The following NCOA2 variants were observed in gnomAD, a reference collection of about 807,000 sequenced individuals.
NCOA2 encodes nuclear receptor coactivator 2.
In NCOA2, 21 loss-of-function variants were observed where a neutral mutation model predicts 145.1. The ratio of observed to expected loss-of-function variants is 0.14; its 90% confidence interval spans 0.10 to 0.21. NCOA2 has a LOEUF of 0.21. Among genes scored for constraint, NCOA2 ranks in the 10% least tolerant of loss-of-function variants. The probability of loss-of-function intolerance (pLI) is 1.00; values close to 1 mark genes in which losing one functional copy is unlikely to be tolerated. For synonymous variants in NCOA2, 619 were observed against 637.5 expected (o/e 0.97, Z 0.44); for missense variants, 1,472 against 1,837.6 (o/e 0.80, Z 3.64).
At chr8:70,151,463 T>A (rs943833880) in intron 11 of NCOA2, among the ~76,000 whole-genome samples, 1 of 152,126 alleles carries the variant, frequency 6.6e-6, no homozygotes. Context: ...CATTTTCGCA[T>A]TTTTAGTAGA....
At chr8:70,415,987 T>A in the NCOA2 span, among the ~76,000 whole-genome samples, 2 of 152,190 alleles carry the variant, frequency 1.3e-5, no homozygotes, top group African/African-American at 2.4e-5. Context: ...ATTAGAGTTC[T>A]CTAGAGAAAT....
chr8:70,159,054 G>A (rs770151709), intron 10 of NCOA2, among the ~76,000 whole-genome samples: 6 of 151,044 alleles, frequency 4.0e-5, no homozygotes, highest in South Asian at 2.1e-4. Context: ...CTGCCCCCAC[G>A]CTGCAGATAC....
intron 2 of NCOA2, among the ~76,000 whole-genome samples, chr8:70,253,876 A>G (rs1178405539): frequency 3.3e-5 from 5 of 152,214 alleles, no homozygotes; most frequent in Non-Finnish European, 5.9e-5. Flanking sequence ...AGCATGGGCA[A>G]TAAAAGAAAA....
the NCOA2 span, among the ~76,000 whole-genome samples, chr8:70,437,100 C>T: frequency 6.6e-6 from 1 of 152,238 alleles, no homozygotes. Context: ...CACATAGGCC[C>T]ATCTTAGTTC....
At chr8:70,403,262 G>T (rs1387616626) in intron 1 of NCOA2, among the ~76,000 whole-genome samples, 1 of 151,248 alleles carries the variant, frequency 6.6e-6, no homozygotes, top group Admixed American at 6.6e-5. Flanking sequence ...CCCCGCACCG[G>T]GCTGGGCAAT....
chr8:70,346,357 C>T (rs1169627979), intron 1 of NCOA2, among the ~76,000 whole-genome samples: 1 of 152,174 alleles, frequency 6.6e-6, no homozygotes, highest in Non-Finnish European at 1.5e-5. Flanking sequence ...ACATTTATTA[C>T]TTCTCTTTTT....
At chr8:70,420,465 GCTAA>G in the NCOA2 span, among the ~76,000 whole-genome samples, 2 of 152,292 alleles carry the variant, frequency 1.3e-5, no homozygotes, top group East Asian at 3.9e-4. Flanking sequence ...GAACTACTAT[GCTAA>G]CTAAGAGAGA....
At chr8:70,164,259 A>G (rs1037665635) in intron 7 of NCOA2, among the ~76,000 whole-genome samples, 1 of 152,150 alleles carries the variant, frequency 6.6e-6, no homozygotes, top group Admixed American at 6.5e-5. Context: ...CTTATGCGTC[A>G]GGGTTCATTT....
intron 2 of NCOA2, among the ~76,000 whole-genome samples, chr8:70,267,426 GC>G (rs1824704058): frequency 7.3e-6 from 1 of 137,600 alleles, no homozygotes; most frequent in Non-Finnish European, 1.5e-5. Flanking sequence ...TTGAGATAGG[GC>G]CTCGCTCTGT....
chr8:70,359,080 A>G (rs1306948789), intron 1 of NCOA2, among the ~76,000 whole-genome samples: 1 of 152,244 alleles, frequency 6.6e-6, no homozygotes, highest in African/African-American at 2.4e-5. Flanking sequence ...AAAAATTGCT[A>G]ATAACAAGTG....
chr8:70,216,275 A>G (rs1241694934), intron 3 of NCOA2, among the ~76,000 whole-genome samples: 2 of 152,242 alleles, frequency 1.3e-5, no homozygotes, highest in Non-Finnish European at 2.9e-5. Flanking sequence ...TTCTCAACTC[A>G]GAAGTACATG....
intron 1 of NCOA2, among the ~76,000 whole-genome samples, chr8:70,355,692 A>C (rs115729855): frequency 0.012 from 1,775 of 152,244 alleles, 43 homozygotes; most frequent in African/African-American, 0.041. Context: ...CCCTGCTCTA[A>C]GAAATGCAAA....
the NCOA2 span, among the ~76,000 whole-genome samples, chr8:70,441,731 GAGAA>G: frequency 1.5e-5 from 2 of 135,552 alleles, no homozygotes; most frequent in East Asian, 4.3e-4. Flanking sequence ...AGAAAGAAGA[GAGAA>G]AGAAACAGGA....
intron 18 of NCOA2, 76 bp downstream of exon 18, chr8:70,128,357 T>C (rs1467873682): frequency 7.6e-7 from 1 of 1,309,116 alleles, no homozygotes; most frequent in East Asian, 2.4e-5. Flanking sequence ...CTAAGTTAAC[T>C]TTCTTCAGAG....
intron 2 of NCOA2, among the ~76,000 whole-genome samples, chr8:70,257,199 G>C (rs1292589767): frequency 2.0e-5 from 3 of 152,162 alleles, no homozygotes; most frequent in African/African-American, 7.2e-5. Context: ...TTTCCCTTCT[G>C]ATGCTGCTAT....
the NCOA2 span, among the ~76,000 whole-genome samples, chr8:70,410,735 C>G: frequency 6.6e-6 from 1 of 152,186 alleles, no homozygotes; most frequent in African/African-American, 2.4e-5. Context: ...ATACAAGGAA[C>G]AAATTACTGA....
intron 5 of NCOA2, among the ~76,000 whole-genome samples, chr8:70,171,598 T>C (rs539827074): frequency 3.3e-5 from 5 of 152,242 alleles, no homozygotes; most frequent in South Asian, 4.1e-4. Context: ...AAGCTTTACA[T>C]TGATTCATCA....
At chr8:70,373,392 T>C (rs540755763) in intron 1 of NCOA2, among the ~76,000 whole-genome samples, 90 of 152,302 alleles carry the variant, frequency 5.9e-4, no homozygotes, top group African/African-American at 2.1e-3. Flanking sequence ...TCCAAGTCTT[T>C]TGAACATTTT....
intron 2 of NCOA2, among the ~76,000 whole-genome samples, chr8:70,232,927 A>C (rs1821264543): frequency 1.3e-5 from 2 of 152,020 alleles, no homozygotes; most frequent in South Asian, 4.1e-4. Flanking sequence ...ATTTCATTCT[A>C]GAAAGATAAT....
Sources: gnomAD v4.1 joint callset for allele counts (sites outside exome capture counted in the v4.1 genomes callset) on GRCh38, gnomAD v4.1.1 for gene constraint, MANE v1.5 for transcripts, NCBI Gene and HGNC (gene_info 2026-07-23, HGNC 2026-07-21) for gene names.